The following ASTN2 variants were observed in gnomAD, a reference collection of about 807,000 sequenced individuals.
ASTN2 encodes the protein astrotactin-2.
Under a neutral mutation model 139.8 loss-of-function variants are expected in ASTN2, and 54 were observed. That is an observed-to-expected ratio of 0.39 (90% confidence interval 0.31 to 0.48). ASTN2 has a LOEUF of 0.48. ASTN2 is among the 20% of genes least tolerant of loss of function. The pLI is 0.95. For missense variants in ASTN2, 1,565 were observed against 1,725.1 expected, an observed-to-expected ratio of 0.91 and a Z score of 1.64; for synonymous variants, 756 against 719.5, an observed-to-expected ratio of 1.05 and a Z score of -0.81.
intron 10 of ASTN2, among the ~76,000 whole-genome samples, chr9:116,968,258 G>A (rs921303724): frequency 6.6e-6 from 1 of 152,120 alleles, no homozygotes; most frequent in Non-Finnish European, 1.5e-5. Context: ...TCATTACACA[G>A]TGAAGTACCT....
At chr9:116,874,332 CT>C (rs1833240998) in intron 10 of ASTN2, among the ~76,000 whole-genome samples, 2 of 152,118 alleles carry the variant, frequency 1.3e-5, no homozygotes, top group Admixed American at 6.5e-5. Context: ...CTGGGAGTGT[CT>C]TGTGCTTCTG....
intron 11 of ASTN2, among the ~76,000 whole-genome samples, chr9:116,837,701 A>G (rs1195720283): frequency 2.0e-5 from 3 of 147,806 alleles, no homozygotes; most frequent in Non-Finnish European, 3.0e-5. Context: ...AGCAGAAGGA[A>G]AAACAACCAA....
chr9:116,649,489 G>T (rs1032612654), intron 17 of ASTN2, among the ~76,000 whole-genome samples: 1 of 150,632 alleles, frequency 6.6e-6, no homozygotes, highest in Admixed American at 6.7e-5. Flanking sequence ...CAGGAGAATC[G>T]CTTGAACCCA....
chr9:117,341,650 A>G (rs2130865470), intron 1 of ASTN2, among the ~76,000 whole-genome samples: 1 of 152,244 alleles, frequency 6.6e-6, no homozygotes, highest in Admixed American at 6.5e-5. Flanking sequence ...CAGAGAGAGA[A>G]AAGCATGAAA....
intron 4 of ASTN2, among the ~76,000 whole-genome samples, chr9:117,134,350 C>T (rs1829902127): frequency 7.0e-6 from 1 of 142,966 alleles, no homozygotes; most frequent in African/African-American, 2.6e-5. Context: ...GCCTGTGTTC[C>T]AGGGACAGTG....
At chr9:116,948,648 G>A (rs1244586010) in intron 10 of ASTN2, among the ~76,000 whole-genome samples, 1 of 151,394 alleles carries the variant, frequency 6.6e-6, no homozygotes, top group Non-Finnish European at 1.5e-5. Context: ...GGTAAGGAGG[G>A]TTGCTGTCCT....
chr9:117,204,720 C>G (rs1453692836), intron 3 of ASTN2, among the ~76,000 whole-genome samples: 1 of 152,032 alleles, frequency 6.6e-6, no homozygotes, highest in African/African-American at 2.4e-5. Flanking sequence ...ATACCCACAG[C>G]AAATCTATGA....
At chr9:117,198,254 C>T (rs993384305) in intron 3 of ASTN2, among the ~76,000 whole-genome samples, 7 of 152,048 alleles carry the variant, frequency 4.6e-5, no homozygotes, top group African/African-American at 1.7e-4. Flanking sequence ...TGTTCAACTC[C>T]CACTTATGAG....
intron 19 of ASTN2, among the ~76,000 whole-genome samples, chr9:116,493,344 T>C (rs2119109176): frequency 6.6e-6 from 1 of 152,300 alleles, no homozygotes; most frequent in Non-Finnish European, 1.5e-5. Context: ...ATTCTTTTCC[T>C]GTTTTTCTTT....
intron 1 of ASTN2, among the ~76,000 whole-genome samples, chr9:117,392,140 C>A (rs1357049311): frequency 6.6e-6 from 1 of 152,108 alleles, no homozygotes; most frequent in African/African-American, 2.4e-5. Context: ...ATTGGGAAGG[C>A]CTGACGGGGG....
At chr9:116,998,436 A>T (rs529242262) in intron 7 of ASTN2, among the ~76,000 whole-genome samples, 2 of 152,302 alleles carry the variant, frequency 1.3e-5, no homozygotes, top group South Asian at 4.1e-4. Flanking sequence ...GCAAACACAC[A>T]CTTTAGCCAG....
chr9:116,768,119 T>C (rs944086415), intron 13 of ASTN2, among the ~76,000 whole-genome samples: 1 of 152,194 alleles, frequency 6.6e-6, no homozygotes. Flanking sequence ...GAATATATTG[T>C]AAACTCCCAA....
intron 13 of ASTN2, among the ~76,000 whole-genome samples, chr9:116,750,164 G>GA (rs1459840297): frequency 6.6e-6 from 1 of 152,058 alleles, no homozygotes; most frequent in Non-Finnish European, 1.5e-5. Context: ...GCAAATTAAA[G>GA]AAAAATAACG....
chr9:117,117,723 T>A (rs761189189), intron 4 of ASTN2, among the ~76,000 whole-genome samples: 1 of 152,204 alleles, frequency 6.6e-6, no homozygotes, highest in Admixed American at 6.5e-5. Flanking sequence ...ACATAAATAA[T>A]CTACCATGTG....
chr9:116,544,553 A>C (rs1488239677), intron 19 of ASTN2, among the ~76,000 whole-genome samples: 3 of 152,166 alleles, frequency 2.0e-5, no homozygotes, highest in Non-Finnish European at 2.9e-5. Context: ...ATTTATGTAG[A>C]TGTCACGTGC....
At chr9:116,863,160 C>T (rs777719983) in intron 11 of ASTN2, among the ~76,000 whole-genome samples, 6 of 152,122 alleles carry the variant, frequency 3.9e-5, no homozygotes, top group South Asian at 2.1e-4. Context: ...AAGCCTTCTA[C>T]GAAACTGAGG....
At chr9:116,635,225 A>G (rs562933405) in intron 17 of ASTN2, among the ~76,000 whole-genome samples, 21 of 152,296 alleles carry the variant, frequency 1.4e-4, no homozygotes, top group Admixed American at 1.1e-3. Flanking sequence ...CACCCTATAA[A>G]GTGGGTGCTC....
At chr9:117,298,201 T>A (rs2130794799) in intron 1 of ASTN2, among the ~76,000 whole-genome samples, 1 of 152,370 alleles carries the variant, frequency 6.6e-6, no homozygotes, top group East Asian at 1.9e-4. Context: ...TTATGTGCAT[T>A]TCTCCCCAGT....
At chr9:116,544,874 T>C (rs539474744) in intron 19 of ASTN2, among the ~76,000 whole-genome samples, 171 of 152,336 alleles carry the variant, frequency 1.1e-3, no homozygotes, top group South Asian at 2.7e-3. Context: ...AAAGGCCTCA[T>C]AGGGATTCCC....
Sources: gnomAD v4.1 joint callset for allele counts (sites outside exome capture counted in the v4.1 genomes callset) on GRCh38, gnomAD v4.1.1 for gene constraint, MANE v1.5 for transcripts, NCBI Gene and HGNC (gene_info 2026-07-23, HGNC 2026-07-21) for gene names.